Variants in AGBL4 observed in about 807,000 individuals in gnomAD.
The protein encoded by AGBL4 is cytosolic carboxypeptidase 6.
Under a neutral mutation model 66.4 loss-of-function variants are expected in AGBL4, and 58 were observed. The observed-to-expected ratio is 0.87, with a 90% CI of 0.71 to 1.09. AGBL4 has a LOEUF of 1.09. Among genes scored for constraint, AGBL4 ranks in the 50% least tolerant of loss-of-function variants. AGBL4 has a pLI of 0.00. For missense variants in AGBL4, 579 were observed against 631.0 expected (o/e 0.92, Z 0.88); for synonymous variants, 234 against 222.9 (o/e 1.05, Z -0.44).
intron 4 of AGBL4, among the ~76,000 whole-genome samples, chr1:49,136,267 A>G (rs1304360869): frequency 1.3e-5 from 2 of 152,176 alleles, no homozygotes; most frequent in Non-Finnish European, 2.9e-5. Flanking sequence ...AACGTTTACT[A>G]GGTGCTGGTC....
At chr1:49,561,648 T>A (rs573504686) in intron 3 of AGBL4, among the ~76,000 whole-genome samples, 2 of 152,264 alleles carry the variant, frequency 1.3e-5, no homozygotes, top group Admixed American at 6.5e-5. Context: ...CATCATTTTT[T>A]ATGGCTGCAT....
chr1:49,921,251 AG>A (rs1488346388), intron 1 of AGBL4, among the ~76,000 whole-genome samples: 2 of 152,160 alleles, frequency 1.3e-5, no homozygotes, highest in Non-Finnish European at 2.9e-5. Context: ...TTTAAAAAAA[AG>A]AAAAAAAAAC....
intron 3 of AGBL4, among the ~76,000 whole-genome samples, chr1:49,648,226 T>G (rs1571244289): frequency 6.6e-6 from 1 of 152,088 alleles, no homozygotes; most frequent in East Asian, 1.9e-4. Context: ...TGAAGAATAC[T>G]TTTAATGGGC....
chr1:49,613,405 G>C (rs778664962), intron 3 of AGBL4, among the ~76,000 whole-genome samples: 3 of 152,154 alleles, frequency 2.0e-5, no homozygotes, highest in African/African-American at 7.2e-5. Flanking sequence ...GCCATGGACC[G>C]GTACCAGGCC....
intron 4 of AGBL4, among the ~76,000 whole-genome samples, chr1:49,231,925 T>C (rs1650340739): frequency 6.6e-6 from 1 of 152,232 alleles, no homozygotes; most frequent in Admixed American, 6.5e-5. Context: ...TGCACAACTA[T>C]AGGCTTTTGT....
chr1:49,556,898 C>G (rs915991799), intron 3 of AGBL4, among the ~76,000 whole-genome samples: 1 of 152,068 alleles, frequency 6.6e-6, no homozygotes, highest in Non-Finnish European at 1.5e-5. Flanking sequence ...GCGGGTGGGC[C>G]TGCAGTGCTG....
At chr1:49,435,021 A>G (rs1645871827) in intron 3 of AGBL4, among the ~76,000 whole-genome samples, 1 of 151,848 alleles carries the variant, frequency 6.6e-6, no homozygotes, top group South Asian at 2.1e-4. Flanking sequence ...TCTCCTTCTC[A>G]TCCTTCAGCC....
At chr1:48,975,882 C>A (rs1040461709) in intron 5 of AGBL4, among the ~76,000 whole-genome samples, 1 of 152,076 alleles carries the variant, frequency 6.6e-6, no homozygotes, top group African/African-American at 2.4e-5. Flanking sequence ...AAGTGGGTTG[C>A]TATAGTTTTA....
At chr1:49,354,146 G>A (rs1320986863) in intron 3 of AGBL4, among the ~76,000 whole-genome samples, 1 of 152,172 alleles carries the variant, frequency 6.6e-6, no homozygotes, top group Non-Finnish European at 1.5e-5. Context: ...TGGAGCTGGA[G>A]CCTAAAAGTG....
chr1:48,863,114 G>A (rs1647648010), intron 6 of AGBL4, among the ~76,000 whole-genome samples: 2 of 152,110 alleles, frequency 1.3e-5, no homozygotes, highest in African/African-American at 4.8e-5. Context: ...GTCTAAACAA[G>A]AATAACTAGG....
intron 6 of AGBL4, among the ~76,000 whole-genome samples, chr1:48,815,505 G>A (rs1002326459): frequency 2.0e-5 from 3 of 151,996 alleles, no homozygotes; most frequent in Non-Finnish European, 2.9e-5. Context: ...TAACCAGCTC[G>A]GTAGCTTTCA....
chr1:49,031,248 T>C (rs1220860493), intron 5 of AGBL4, among the ~76,000 whole-genome samples: 1 of 151,996 alleles, frequency 6.6e-6, no homozygotes, highest in Non-Finnish European at 1.5e-5. Context: ...ACACCGTGCC[T>C]GGCTAAATTT....
chr1:49,760,743 T>G (rs1313992807), intron 2 of AGBL4, among the ~76,000 whole-genome samples: 1 of 152,124 alleles, frequency 6.6e-6, no homozygotes, highest in Non-Finnish European at 1.5e-5. Context: ...GCAGCACTAT[T>G]TACAATAGAA....
chr1:49,554,793 G>A (rs1319528164), intron 3 of AGBL4, among the ~76,000 whole-genome samples: 1 of 152,144 alleles, frequency 6.6e-6, no homozygotes, highest in African/African-American at 2.4e-5. Flanking sequence ...TCATCCTTCT[G>A]GTGGGTTCAT....
chr1:49,952,548 T>C (rs746414114), intron 1 of AGBL4, among the ~76,000 whole-genome samples: 5 of 151,894 alleles, frequency 3.3e-5, no homozygotes, highest in African/African-American at 7.2e-5. Context: ...CTTTAAAAAT[T>C]AAGAAATTGA....
chr1:48,807,134 C>T (rs996698462), intron 6 of AGBL4, among the ~76,000 whole-genome samples: 4 of 152,176 alleles, frequency 2.6e-5, no homozygotes, highest in African/African-American at 9.7e-5. Context: ...TAACCAACCC[C>T]GCACTCCCAG....
chr1:48,939,539 A>G (rs1655776448), intron 5 of AGBL4, among the ~76,000 whole-genome samples: 1 of 152,218 alleles, frequency 6.6e-6, no homozygotes, highest in African/African-American at 2.4e-5. Flanking sequence ...GAGGAAAGGC[A>G]GGGGCTCTGT....
chr1:49,846,834 G>A (rs1646160026), intron 2 of AGBL4, among the ~76,000 whole-genome samples: 1 of 152,160 alleles, frequency 6.6e-6, no homozygotes. Flanking sequence ...AATTAATACT[G>A]TTAAAGTGAT....
At chr1:48,627,768 G>A (rs928726762) in intron 9 of AGBL4, among the ~76,000 whole-genome samples, 23 of 152,094 alleles carry the variant, frequency 1.5e-4, no homozygotes, top group African/African-American at 5.6e-4. Flanking sequence ...TAAACGGGGG[G>A]AAATCACCTC....
Sources: gnomAD v4.1 joint callset for allele counts (sites outside exome capture counted in the v4.1 genomes callset) on GRCh38, gnomAD v4.1.1 for gene constraint, MANE v1.5 for transcripts, NCBI Gene and HGNC (gene_info 2026-07-23, HGNC 2026-07-21) for gene names.